Variants in EVC2 observed in about 807,000 individuals in gnomAD.
EVC2 encodes EvC ciliary complex subunit 2, also known as limbin.
In EVC2, 148 loss-of-function variants were observed where a neutral mutation model predicts 149.3. That is an observed-to-expected ratio of 0.99 (90% CI 0.87 to 1.14). The LOEUF (loss-of-function observed/expected upper bound fraction) is 1.14, where lower values mean the gene tolerates loss of function less well. Ranked by LOEUF, EVC2 falls within the 50% of genes most tolerant of loss-of-function variation. The pLI is 0.00. For synonymous variants in EVC2, 776 were observed against 649.9 expected (o/e 1.19, Z -2.95); for missense variants, 1,854 against 1,627.3 (o/e 1.14, Z -2.40).
At chr4:5,595,127 A>G (rs1713259872) in intron 16 of EVC2, among the ~76,000 whole-genome samples, 1 of 152,224 alleles carries the variant, frequency 6.6e-6, no homozygotes, top group African/African-American at 2.4e-5. Flanking sequence ...GAATGGAAAC[A>G]AGTTGGAAAA....
the EVC2 span, among the ~76,000 whole-genome samples, chr4:5,537,738 A>G: frequency 4.7e-4 from 72 of 152,294 alleles, no homozygotes; most frequent in African/African-American, 1.6e-3. Flanking sequence ...AAATAAATCA[A>G]TTGAACTCAG....
Position 5,640,836 on chromosome 4 carries a change from A to T in EVC2, c.1148T>A (p.Leu383Ter). The change falls in exon 10 of 22, where the codon TTG becomes TAG. Residue 383 changes from leucine (L) to a stop codon, truncating the protein, a stop_gained and splice_region_variant. Coordinates refer to ENST00000344408, the MANE Select transcript of EVC2 (RefSeq NM_147127.5). LOFTEE classifies it high-confidence loss of function. This position sits in a 1 kb window ranked among gnomAD's most constrained non-coding sequence, Gnocchi z 4.6. ...TGCCCGATTCAGGGTTGCAATCTCC[A>T]ACCTAGGAAACACAAAAATCAAAAG... ...PGSMLQALEE[L>*]EIATLNRADA... The T allele has an allele frequency of 6.2e-7, 1 of 1,614,170 alleles. No individual in the cohort carries two copies. Among genetic ancestry groups the T allele is most frequent in the Non-Finnish European group, 8.5e-7 (1 of 1,180,018 alleles).
chr4:5,591,844 G>A (rs1003073435), intron 16 of EVC2, among the ~76,000 whole-genome samples: 3 of 152,150 alleles, frequency 2.0e-5, no homozygotes, highest in Non-Finnish European at 4.4e-5. Flanking sequence ...AAGCCACTGA[G>A]AATAATACAA....
At chr4:5,678,396 C>G (rs73200117) in intron 7 of EVC2, among the ~76,000 whole-genome samples, 24,281 of 152,158 alleles carry the variant, frequency 0.16, 2,046 homozygotes, top group African/African-American at 0.18. Flanking sequence ...TGGGAGAGGA[C>G]TCTTAAAACT....
intron 7 of EVC2, among the ~76,000 whole-genome samples, chr4:5,667,923 A>T (rs1187069647): frequency 6.6e-6 from 1 of 152,254 alleles, no homozygotes; most frequent in Non-Finnish European, 1.5e-5. Flanking sequence ...TTTTAAGAAG[A>T]TGGGAATCCT....
At chr4:5,596,724 C>A (rs962203648) in intron 16 of EVC2, among the ~76,000 whole-genome samples, 2 of 152,042 alleles carry the variant, frequency 1.3e-5, no homozygotes, top group East Asian at 1.9e-4. Flanking sequence ...AAAATCAGAG[C>A]AGAACTGAAG....
In EVC2 at chr4:5,562,562, A is replaced by C; in HGVS notation, c.*286T>G. 7.6e-7 allele frequency: 1 copy of C among 1,321,308 alleles called. No homozygotes were observed. Among genetic ancestry groups the C allele is most frequent in the African/African-American group, 1.5e-5 (1 of 67,566 alleles). The allele number at this position is 1,321,308 out of a possible 1,614,324, so 81.8% of individuals were successfully genotyped here. On this transcript the variant is annotated 3_prime_UTR_variant, in exon 22 of 22. Coordinates refer to ENST00000344408, the MANE Select transcript of EVC2 (RefSeq NM_147127.5). The surrounding 1 kb of genome is among the most constrained non-coding windows in gnomAD (Gnocchi z 4.3). ...CAGACCATAGCTTCTGCAGCAGAGG[A>C]TGGGGTGTGGATTGCAGGGTGGGGG... is the stretch of plus-strand genomic sequence containing the variant.
At chr4:5,654,953 G>C (rs901702750) in intron 9 of EVC2, among the ~76,000 whole-genome samples, 4 of 152,186 alleles carry the variant, frequency 2.6e-5, no homozygotes. Context: ...AGTGGGTATT[G>C]AGAGGCTCCC....
At chr4:5,630,838 T>C (rs1318005559) in intron 11 of EVC2, among the ~76,000 whole-genome samples, 4 of 152,188 alleles carry the variant, frequency 2.6e-5, no homozygotes, top group Non-Finnish European at 4.4e-5. Flanking sequence ...AAACATCTTA[T>C]TGACAGTCGG....
intron 7 of EVC2, among the ~76,000 whole-genome samples, chr4:5,674,541 T>TAGGACCC (rs1333206463): frequency 6.6e-6 from 1 of 152,096 alleles, no homozygotes; most frequent in Non-Finnish European, 1.5e-5. Flanking sequence ...ATCCAATGCA[T>TAGGACCC]AGGACCCCAG....
chr4:5,674,690 G>A (rs1719879479), intron 7 of EVC2, among the ~76,000 whole-genome samples: 1 of 152,156 alleles, frequency 6.6e-6, no homozygotes, highest in Non-Finnish European at 1.5e-5. Flanking sequence ...AGAGCGTAAT[G>A]GAAAACAAAG....
At position 5,689,310 on chromosome 4, in the gene EVC2, T is replaced by C. The variant is rs200843063; in HGVS notation, c.553A>G (p.Ile185Val). ...TTGGTGTTGTTAACAAGCAGCCATA[T>C]GCGGGCTGTCTGTGCTTCACTCGAC... ...SGSSEAQTARIWLLVNNTKTT... is the reference protein window; with the variant it reads ...SGSSEAQTARVWLLVNNTKTT... The change falls in exon 5 of 22, where the codon ATA becomes GTA. Residue 185 changes from isoleucine to valine, a missense_variant. Physicochemically the swap from Ile to Val is conservative, Grantham distance 29. Transcript: ENST00000344408. 2.5e-6 allele frequency: 4 copies of C among 1,614,128 alleles called. No individual in the cohort carries two copies. In the Admixed American group the frequency reaches 5.0e-5, roughly 20 times the overall value.
chr4:5,687,562 G>C (rs1053659456), intron 5 of EVC2, among the ~76,000 whole-genome samples: 1 of 152,136 alleles, frequency 6.6e-6, no homozygotes, highest in Non-Finnish European at 1.5e-5. Flanking sequence ...GTGGAAGTTT[G>C]GAGGCAGAGG....
At chr4:5,602,952 ATG>A (rs146768389) in intron 16 of EVC2, among the ~76,000 whole-genome samples, 1 of 151,748 alleles carries the variant, frequency 6.6e-6, no homozygotes. Flanking sequence ...GGAGCTGAAA[ATG>A]TGTGTGTGTG....
rs1393386581 is a variant in EVC2, at chr4:5,686,619, G to A, written c.707-1140C>T. Among the ~76,000 whole-genome samples the A allele has an allele frequency of 4.6e-5, 7 of 152,092 alleles. No individual in the cohort carries two copies. The highest frequency in any genetic ancestry group is 3.2e-3 in the Middle Eastern group (1 of 316). On this transcript the variant is annotated intron_variant, in intron 5 of 21. Coordinates refer to ENST00000344408, the MANE Select transcript of EVC2 (RefSeq NM_147127.5). The surrounding 1 kb of genome is among the most constrained non-coding windows in gnomAD (Gnocchi z 5.4). ...ACAGTGACTGGCTTAGGATCACCCC[G>A]CTGATGGACAGGGAGCCACCTGACC...
intron 17 of EVC2, among the ~76,000 whole-genome samples, chr4:5,578,220 G>A (rs1045437128): frequency 3.2e-5 from 4 of 124,642 alleles, no homozygotes; most frequent in East Asian, 3.6e-4. Flanking sequence ...CAGGAGCATC[G>A]TTGACATGTT....
chr4:5,579,471 G>T (rs1006568816), intron 17 of EVC2, among the ~76,000 whole-genome samples: 1 of 152,190 alleles, frequency 6.6e-6, no homozygotes, highest in South Asian at 2.1e-4. Context: ...GGCAGCGAAA[G>T]GTGGAAAGCA....
In EVC2 at chr4:5,636,556, T is replaced by C. The variant is rs1716901281; in HGVS notation, c.1470+3958A>G. 1.3e-5 allele frequency among the ~76,000 whole-genome samples: 2 copies of C among 152,206 alleles called. No individual in the cohort carries two copies. Among genetic ancestry groups the C allele is most frequent in the South Asian group, 2.1e-4 (1 of 4,830 alleles). ...TAGGTATTACAAGTAACAGAGGTGATTTAAAGTATACAGGAGCATTTGTGT... is the reference window on the plus strand; with the variant it reads ...TAGGTATTACAAGTAACAGAGGTGACTTAAAGTATACAGGAGCATTTGTGT... On this transcript the variant is annotated intron_variant, in intron 10 of 21. Coordinates refer to ENST00000344408, the MANE Select transcript of EVC2 (RefSeq NM_147127.5). The surrounding 1 kb of genome is among the most constrained non-coding windows in gnomAD (Gnocchi z 4.6).
chr4:5,626,162 G>A (rs1175086640), intron 12 of EVC2, among the ~76,000 whole-genome samples: 1 of 152,106 alleles, frequency 6.6e-6, no homozygotes, highest in Non-Finnish European at 1.5e-5. Flanking sequence ...AGTAACATTC[G>A]AGAGGACCAC....
Sources: gnomAD v4.1 joint callset for allele counts (sites outside exome capture counted in the v4.1 genomes callset) on GRCh38, gnomAD v4.1.1 for gene constraint, Gnocchi (gnomAD v3.1) non-coding constraint, MANE v1.5 for transcripts, NCBI Gene and HGNC (gene_info 2026-07-23, HGNC 2026-07-21) for gene names.